The following ACTR3 variants were observed in gnomAD, a reference collection of about 807,000 sequenced individuals.
The protein encoded by ACTR3 is actin-related protein 3.
In ACTR3, 12 loss-of-function variants were observed where a neutral mutation model predicts 56.8. The observed-to-expected ratio is 0.21, with a 90% CI of 0.14 to 0.34. The LOEUF is 0.34. Among genes scored for constraint, ACTR3 ranks in the 10% least tolerant of loss-of-function variants. The pLI is 1.00. For missense variants in ACTR3, 282 were observed against 512.5 expected (o/e 0.55, Z 4.34); for synonymous variants, 162 against 167.4 (o/e 0.97, Z 0.25).
chr2:113,904,376 A>G (rs1679156044), intron 1 of ACTR3: 1 of 152,176 alleles, frequency 6.6e-6, no homozygotes, highest in South Asian at 2.1e-4. Flanking sequence ...CATTTGGGTC[A>G]TGTTAGAATT....
chr2:113,923,226 G>A (rs1244603555), intron 3 of ACTR3, among the ~76,000 whole-genome samples: 1 of 152,086 alleles, frequency 6.6e-6, no homozygotes, highest in East Asian at 1.9e-4. Context: ...TATGCTCTTT[G>A]TTAAATCCAA....
At chr2:113,933,531 A>G (rs1679762065) in intron 5 of ACTR3, among the ~76,000 whole-genome samples, 1 of 151,802 alleles carries the variant, frequency 6.6e-6, no homozygotes, top group African/African-American at 2.4e-5. Flanking sequence ...AAAAGAAGGT[A>G]ATCTTTTAGT....
At chr2:113,899,378 G>GC (rs1288277299) in intron 1 of ACTR3, among the ~76,000 whole-genome samples, 3 of 142,640 alleles carry the variant, frequency 2.1e-5, no homozygotes, top group African/African-American at 8.8e-5. Context: ...ACATATGAAA[G>GC]TAAAAAAATA....
At chr2:113,929,443 A>G (rs1476614281) in intron 4 of ACTR3, among the ~76,000 whole-genome samples, 2 of 152,096 alleles carry the variant, frequency 1.3e-5, no homozygotes, top group Non-Finnish European at 2.9e-5. Context: ...GTTTTTGGTT[A>G]TAATAAAATA....
At chr2:113,944,699 T>G (rs1679986242) in intron 8 of ACTR3, among the ~76,000 whole-genome samples, 1 of 151,484 alleles carries the variant, frequency 6.6e-6, no homozygotes, top group Non-Finnish European at 1.5e-5. Context: ...GAGGTGGAGC[T>G]TGCAGTGAGC....
intron 3 of ACTR3, among the ~76,000 whole-genome samples, chr2:113,923,732 CTTT>C (rs35354751): frequency 7.0e-6 from 1 of 142,214 alleles, no homozygotes. Flanking sequence ...TTCAGTTCTC[CTTT>C]TTTTTTTTTT....
chr2:113,902,205 ATCTT>A (rs1448511671), intron 1 of ACTR3, among the ~76,000 whole-genome samples: 2 of 152,104 alleles, frequency 1.3e-5, no homozygotes, highest in South Asian at 2.1e-4. Context: ...TATAAAACTC[ATCTT>A]TCTTTTGCTG....
At chr2:113,928,245 A>G (rs888862168) in intron 4 of ACTR3, among the ~76,000 whole-genome samples, 3 of 152,160 alleles carry the variant, frequency 2.0e-5, no homozygotes, top group Non-Finnish European at 4.4e-5. Flanking sequence ...AAAGAACCAT[A>G]CTATGGACAC....
intron 1 of ACTR3, among the ~76,000 whole-genome samples, chr2:113,897,854 G>A (rs1203731723): frequency 6.6e-6 from 1 of 152,010 alleles, no homozygotes; most frequent in Non-Finnish European, 1.5e-5. Context: ...TCATCTGTTC[G>A]GATACTCAAC....
intron 7 of ACTR3, among the ~76,000 whole-genome samples, chr2:113,941,000 A>T (rs548386520): frequency 6.6e-6 from 1 of 151,854 alleles, no homozygotes; most frequent in South Asian, 2.1e-4. Flanking sequence ...TTTTGTAGAG[A>T]TGGAGGTCTT....
intron 1 of ACTR3, among the ~76,000 whole-genome samples, chr2:113,901,296 TGTG>T: frequency 6.6e-6 from 1 of 152,222 alleles, no homozygotes; most frequent in South Asian, 2.1e-4. Context: ...AGGCAGAGGT[TGTG>T]GTGGGCCAAG....
chr2:113,889,972 C>A (rs1175319458), upstream of ACTR3: 3 of 523,472 alleles, frequency 5.7e-6, no homozygotes, highest in East Asian at 1.1e-4. Flanking sequence ...CTTGGCTTCC[C>A]GGGGAAAGGC....
chr2:113,890,118 C>G lies in ACTR3; in HGVS notation c.-162C>G. 3 of 833,368 alleles carry G rather than the reference C, an allele frequency of 3.6e-6. No homozygotes were observed. Among genetic ancestry groups the G allele is most frequent in the Non-Finnish European group, 3.8e-6 (2 of 523,552 alleles). 51.6% of individuals were successfully genotyped at this position (833,368 alleles called of 1,614,324 possible). A position where few individuals can be genotyped will look rare whatever the true frequency, so the allele number is the denominator to read the frequency against. On this transcript the variant is annotated 5_prime_UTR_variant, in exon 1 of 12. Coordinates refer to ENST00000263238, the MANE Select transcript of ACTR3 (RefSeq NM_005721.5). ...CGGAAGTGATAGCCGCCGACCGAGCCTGCTGCTTTCTTGCTACTGCTTCGG... is the reference window on the plus strand; with the variant it reads ...CGGAAGTGATAGCCGCCGACCGAGCGTGCTGCTTTCTTGCTACTGCTTCGG...
chr2:113,934,531 A>G, intron 6 of ACTR3, 145 bp downstream of exon 6: 1 of 480,938 alleles, frequency 2.1e-6, no homozygotes, highest in East Asian at 3.4e-5. Flanking sequence ...TGTTTTGCTC[A>G]CCGTTTAAAA....
At chr2:113,947,255 G>A (rs1450525154) in intron 8 of ACTR3, among the ~76,000 whole-genome samples, 2 of 152,218 alleles carry the variant, frequency 1.3e-5, no homozygotes, top group African/African-American at 4.8e-5. Flanking sequence ...GCATGAATAG[G>A]ATCATGACCA....
At chr2:113,936,943 G>A (rs1480452563) in intron 6 of ACTR3, among the ~76,000 whole-genome samples, 1 of 152,058 alleles carries the variant, frequency 6.6e-6, no homozygotes, top group Non-Finnish European at 1.5e-5. Flanking sequence ...ACTTATATTG[G>A]ATTAGAGAAA....
chr2:113,892,063 A>G (rs903021752), intron 1 of ACTR3, among the ~76,000 whole-genome samples: 1 of 152,360 alleles, frequency 6.6e-6, no homozygotes, highest in South Asian at 2.1e-4. Context: ...TTTCAAAAAA[A>G]TAGTGTAAAT....
chr2:113,917,281 C>T (rs1407904917), intron 3 of ACTR3, among the ~76,000 whole-genome samples: 1 of 151,110 alleles, frequency 6.6e-6, no homozygotes, highest in African/African-American at 2.4e-5. Context: ...ATAAAATTAC[C>T]TTTACTTCCA....
At chr2:113,925,306 TTG>T (rs1188430989) in intron 3 of ACTR3, among the ~76,000 whole-genome samples, 1 of 149,522 alleles carries the variant, frequency 6.7e-6, no homozygotes. Context: ...AGTGATTCTC[TTG>T]TCTCAGCCTC....
Sources: gnomAD v4.1 joint callset for allele counts (sites outside exome capture counted in the v4.1 genomes callset) on GRCh38, gnomAD v4.1.1 for gene constraint, MANE v1.5 for transcripts, NCBI Gene and HGNC (gene_info 2026-07-23, HGNC 2026-07-21) for gene names.